The following TMED3 variants were observed in gnomAD, a reference collection of about 807,000 sequenced individuals.
The protein encoded by TMED3 is transmembrane p24 trafficking protein 3, also known as transmembrane emp24 domain-containing protein 3.
In TMED3, 9 loss-of-function variants were observed where a neutral mutation model predicts 15.0. The ratio of observed to expected loss-of-function variants is 0.60; its 90% CI spans 0.36 to 1.04. The LOEUF (loss-of-function observed/expected upper bound fraction) is 1.04. Among genes scored for constraint, TMED3 ranks in the 50% least tolerant of loss-of-function variants. The pLI is 0.01. For synonymous variants in TMED3, 117 were observed against 121.4 expected (o/e 0.96, Z 0.24); for missense variants, 267 against 278.9 (o/e 0.96, Z 0.30).
At chr15:79,342,357 T>C (rs1216792701) in intron 2 of TMED3, among the ~76,000 whole-genome samples, 7 of 152,226 alleles carry the variant, frequency 4.6e-5, no homozygotes, top group Non-Finnish European at 1.0e-4. Context: ...TTGGCAAAGA[T>C]ATACTATGTG....
chr15:79,398,273 A>G (rs984105058), intron 2 of TMED3, among the ~76,000 whole-genome samples: 1 of 152,084 alleles, frequency 6.6e-6, no homozygotes, highest in Non-Finnish European at 1.5e-5. Flanking sequence ...TTCACTTAGT[A>G]ATATGCATTC....
At chr15:79,331,660 A>C (rs576870816) in intron 2 of TMED3, among the ~76,000 whole-genome samples, 1 of 152,332 alleles carries the variant, frequency 6.6e-6, no homozygotes, top group Admixed American at 6.5e-5. Context: ...TCATCAGATA[A>C]AGGATTAATA....
At chr15:79,369,574 G>T (rs577751049) in intron 2 of TMED3, among the ~76,000 whole-genome samples, 72 of 152,348 alleles carry the variant, frequency 4.7e-4, no homozygotes, top group African/African-American at 1.7e-3. Context: ...GACTCTGCAA[G>T]CGGTAAGCAA....
chr15:79,312,145 A>G (rs1333305987), intron 1 of TMED3, among the ~76,000 whole-genome samples: 2 of 152,140 alleles, frequency 1.3e-5, no homozygotes, highest in Non-Finnish European at 2.9e-5. Context: ...TGGGCATCAT[A>G]CTCAGACAGC....
At chr15:79,366,432 C>T (rs943586187) in intron 2 of TMED3, among the ~76,000 whole-genome samples, 1 of 152,210 alleles carries the variant, frequency 6.6e-6, no homozygotes, top group African/African-American at 2.4e-5. Flanking sequence ...AGATAGTCAC[C>T]GCTCATCCGC....
chr15:79,377,672 G>A (rs1161168634), intron 2 of TMED3, among the ~76,000 whole-genome samples: 1 of 144,204 alleles, frequency 6.9e-6, no homozygotes, highest in East Asian at 2.0e-4. Context: ...TTTTGAGACG[G>A]AGTCTCGCTC....
chr15:79,378,125 A>T (rs7163770), intron 2 of TMED3, among the ~76,000 whole-genome samples: 147,335 of 152,338 alleles, frequency 0.97, 71,464 homozygotes, highest in Middle Eastern at 1. Flanking sequence ...GAAATTAAAC[A>T]TCTAAACAAT....
At chr15:79,373,254 G>A (rs1384445721) in intron 2 of TMED3, among the ~76,000 whole-genome samples, 3 of 152,192 alleles carry the variant, frequency 2.0e-5, no homozygotes, top group African/African-American at 7.2e-5. Context: ...GATAGAAAGG[G>A]CTGCATTTTC....
intron 2 of TMED3, among the ~76,000 whole-genome samples, chr15:79,369,344 T>C (rs767515838): frequency 6.6e-5 from 10 of 152,182 alleles, no homozygotes; most frequent in Non-Finnish European, 1.2e-4. Flanking sequence ...GTCCTGCCCA[T>C]GAAGATGCCA....
At chr15:79,407,722 T>C (rs2865697) in intron 2 of TMED3, among the ~76,000 whole-genome samples, 133,004 of 152,204 alleles carry the variant, frequency 0.87, 58,532 homozygotes, top group South Asian at 0.94. Context: ...AGCTGACAAG[T>C]TGTGATAGGG....
intron 2 of TMED3, among the ~76,000 whole-genome samples, chr15:79,379,869 T>A: frequency 6.6e-6 from 1 of 152,198 alleles, no homozygotes; most frequent in South Asian, 2.1e-4. Flanking sequence ...AATAAGGTAA[T>A]GGCAGAATAA....
chr15:79,350,256 A>G (rs1160191378), intron 2 of TMED3, among the ~76,000 whole-genome samples: 1 of 152,214 alleles, frequency 6.6e-6, no homozygotes, highest in Non-Finnish European at 1.5e-5. Flanking sequence ...GAACAGAAGT[A>G]ACAGGATATA....
chr15:79,320,960 G>C (rs1446932308), intron 2 of TMED3, among the ~76,000 whole-genome samples: 2 of 152,156 alleles, frequency 1.3e-5, no homozygotes, highest in African/African-American at 4.8e-5. Flanking sequence ...TGTGGTTGTA[G>C]GACTGAGGTC....
intron 2 of TMED3, among the ~76,000 whole-genome samples, chr15:79,352,118 G>T (rs762430621): frequency 6.6e-6 from 1 of 152,218 alleles, no homozygotes; most frequent in East Asian, 1.9e-4. Flanking sequence ...TGGGGACGGT[G>T]TACACTGCAC....
chr15:79,379,914 T>A (rs1893491285), intron 2 of TMED3, among the ~76,000 whole-genome samples: 1 of 152,204 alleles, frequency 6.6e-6, no homozygotes. Flanking sequence ...ATGTGTTATG[T>A]GATAGGTTTT....
intron 2 of TMED3, among the ~76,000 whole-genome samples, chr15:79,317,494 A>G (rs2058745684): frequency 6.6e-6 from 1 of 152,218 alleles, no homozygotes; most frequent in Non-Finnish European, 1.5e-5. Context: ...TGAGTTTGTG[A>G]CACATAAACT....
chr15:79,396,967 G>T (rs561125297), intron 2 of TMED3, among the ~76,000 whole-genome samples: 1 of 152,086 alleles, frequency 6.6e-6, no homozygotes, highest in African/African-American at 2.4e-5. Context: ...AATGACACAC[G>T]TGGCTTGCAT....
At chr15:79,355,096 C>T (rs2058913596) in intron 2 of TMED3, among the ~76,000 whole-genome samples, 1 of 152,090 alleles carries the variant, frequency 6.6e-6, no homozygotes, top group South Asian at 2.1e-4. Flanking sequence ...GCCCTTTATT[C>T]CTCTTAATAT....
At chr15:79,311,504 C>A in intron 1 of TMED3, 87 bp downstream of exon 1, 1 of 1,451,284 alleles carries the variant, frequency 6.9e-7, no homozygotes, top group South Asian at 1.4e-5. Context: ...TGGAGGCGCT[C>A]GAATTAGCCA....
Sources: gnomAD v4.1 joint callset for allele counts (sites outside exome capture counted in the v4.1 genomes callset) on GRCh38, gnomAD v4.1.1 for gene constraint, MANE v1.5 for transcripts, NCBI Gene and HGNC (gene_info 2026-07-23, HGNC 2026-07-21) for gene names.